CCAR1: variants seen among roughly 807,000 people sequenced by gnomAD.
CCAR1 encodes cell division cycle and apoptosis regulator 1, also known as cell division cycle and apoptosis regulator protein 1.
A neutral mutation model predicts 163.8 loss-of-function variants in CCAR1; 78 were observed. The ratio of observed to expected loss-of-function variants is 0.48; its 90% CI spans 0.40 to 0.57. The LOEUF (loss-of-function observed/expected upper bound fraction) is 0.57, where lower values mean the gene tolerates loss of function less well. CCAR1 is among the 20% of genes least tolerant of loss of function. CCAR1 has a pLI of 0.00. For synonymous variants in CCAR1, 443 were observed against 460.7 expected (o/e 0.96, Z 0.49); for missense variants, 1,019 against 1,365.2 (o/e 0.75, Z 4.00).
At chr10:68,780,009 T>C (rs1007888190) in intron 19 of CCAR1, among the ~76,000 whole-genome samples, 11 of 152,188 alleles carry the variant, frequency 7.2e-5, no homozygotes, top group Admixed American at 3.9e-4. Flanking sequence ...TGTGGTGGGA[T>C]TGATTTATTT....
At position 68,789,915 on chromosome 10, in the gene CCAR1, G is replaced by T; in HGVS notation, c.3393G>T (p.Lys1131Asn). ...ATGAAATCCACACTGTTCTCAAGAA[G>T]GTGAGAAATTTTGTACTTTTAACAT... ...VMDEIHTVLK[K>N]DNVKNEDKDQ... The change falls in exon 24 of 25, where the codon AAG (lysine) becomes AAT (asparagine). Residue 1131 changes from lysine (K) to asparagine (N), a missense_variant and splice_region_variant. Physicochemically the swap from Lys to Asn is moderately conservative, Grantham distance 94 (BLOSUM62 0). This residue lies in a region of CCAR1 where 358 missense variants were observed against 406.4 expected (regional missense o/e 0.88). Coordinates refer to ENST00000265872, the MANE Select transcript of CCAR1 (RefSeq NM_018237.4). 2 of 1,528,996 alleles carry T rather than the reference G, an allele frequency of 1.3e-6. No homozygotes were observed. The highest frequency in any genetic ancestry group is 2.3e-5 in the East Asian group (1 of 43,168). The allele number at this position is 1,528,996 out of a possible 1,614,324, so 94.7% of individuals were successfully genotyped here. A position where few individuals can be genotyped will look rare whatever the true frequency, so the allele number is the denominator to read the frequency against.
chr10:68,786,553 A>G lies in CCAR1; in HGVS notation c.2741A>G (p.Glu914Gly). 6.4e-7 allele frequency: 1 copy of G among 1,557,080 alleles called. No homozygotes were observed. Among genetic ancestry groups the G allele is most frequent in the Non-Finnish European group, 8.6e-7 (1 of 1,156,972 alleles). ...KERPSKDKEK[E>G]KTQMITINRD... ...ACTTCTCCATTTTCTTAGGAAAAAG[A>G]AAAGACTCAAATGATCACAATTAAC... Residue 914 changes from glutamate to glycine, a missense_variant, in exon 21 of 25, where the codon GAA (glutamate) becomes GGA (glycine). Around this residue, in one of 4 missense-constraint regions of CCAR1, gnomAD observed 358 missense variants for 406.4 expected, o/e 0.88. Coordinates refer to ENST00000265872, the MANE Select transcript of CCAR1 (RefSeq NM_018237.4).
At position 68,739,581 on chromosome 10, in the gene CCAR1, G is replaced by A. The variant is rs7917019; in HGVS notation, c.292-1048G>A. On this transcript the variant is annotated intron_variant, in intron 4 of 24. Coordinates refer to ENST00000265872, the MANE Select transcript of CCAR1 (RefSeq NM_018237.4). ...CATTGCATTTTCCCAGAAGACCTCA[G>A]TATTTCACTAGTAATTGCTTTAAAC... Among the ~76,000 whole-genome samples, 418 of 152,278 alleles carry A rather than the reference G, an allele frequency of 2.7e-3. 3 individuals are homozygous for A. The highest frequency in any genetic ancestry group is 9.4e-3 in the African/African-American group (389 of 41,560).
chr10:68,727,528 A>T (rs2055966743), intron 2 of CCAR1, among the ~76,000 whole-genome samples: 1 of 152,124 alleles, frequency 6.6e-6, no homozygotes. Context: ...ATCTTCAAAG[A>T]GTTTTAGAAT....
intron 6 of CCAR1, among the ~76,000 whole-genome samples, chr10:68,744,104 C>T (rs533030057): frequency 1.8e-4 from 28 of 152,212 alleles, no homozygotes; most frequent in African/African-American, 6.7e-4. Context: ...AGGCTGGTCT[C>T]GAACTCCTGA....
chr10:68,743,296 A>G (rs2056207977), intron 6 of CCAR1, among the ~76,000 whole-genome samples: 1 of 150,900 alleles, frequency 6.6e-6, no homozygotes, highest in African/African-American at 2.4e-5. Context: ...TCCCAGGTTC[A>G]AGCAATTCTC....
chr10:68,727,130 C>T (rs1451983455), intron 2 of CCAR1, among the ~76,000 whole-genome samples: 5 of 144,868 alleles, frequency 3.5e-5, no homozygotes, highest in South Asian at 4.5e-4. Flanking sequence ...TGCAGTGGCA[C>T]GATCTGGGCT....
rs1397017616 is a variant in CCAR1, at chr10:68,742,357, T to C, written c.325-19T>C. The C allele has an allele frequency of 7.0e-6, 11 of 1,561,572 alleles. No homozygotes were observed. The highest frequency in any genetic ancestry group is 8.7e-6 in the Non-Finnish European group (10 of 1,150,232). ...ATTTCAAATCATTACCTTAATTTGA[T>C]GTTGATTTTGTTTTATAGCCAGCTG... On this transcript the variant is annotated intron_variant, in intron 5 of 24. Transcript: ENST00000265872.
rs34103994 is a variant in CCAR1 at position 68,735,371 on chromosome 10, CTTTT to C, written c.74-1488_74-1485del. Among the ~76,000 whole-genome samples the C allele has an allele frequency of 2.6e-3, 296 of 115,398 alleles. 2 individuals carry two copies. The highest frequency in any genetic ancestry group is 9.3e-3 in the African/African-American group (276 of 29,614). 75.7% of individuals were successfully genotyped at this position (115,398 alleles called of 152,430 possible). The stretch of plus-strand genomic sequence containing the variant: ...CTCAAAAACACAAACCGTTTTTGTG[CTTTT>C]TTTTTTTTTTTTTTTTCCAATATTG... On this transcript the variant is annotated intron_variant, in intron 2 of 24. Transcript: ENST00000265872.
chr10:68,770,413 T>C (rs985918795), intron 17 of CCAR1, among the ~76,000 whole-genome samples: 3 of 152,146 alleles, frequency 2.0e-5, no homozygotes, highest in African/African-American at 2.4e-5. Flanking sequence ...TTAAAACTTA[T>C]TGAGTAAATG....
At chr10:68,754,556 T>C (rs1325510599) in intron 11 of CCAR1, among the ~76,000 whole-genome samples, 158 bp from the exon 12 acceptor site, 1 of 152,230 alleles carries the variant, frequency 6.6e-6, no homozygotes, top group Non-Finnish European at 1.5e-5. Context: ...CCCAGCACTT[T>C]GGGAGGCTGA....
intron 10 of CCAR1, among the ~76,000 whole-genome samples, chr10:68,751,375 C>T (rs1033875384): frequency 6.6e-6 from 1 of 152,074 alleles, no homozygotes; most frequent in African/African-American, 2.4e-5. Flanking sequence ...TAGCTGCTTA[C>T]TCTTATACTT....
At chr10:68,782,882 T>G (rs1162957) in intron 19 of CCAR1, among the ~76,000 whole-genome samples, 101,999 of 151,960 alleles carry the variant, frequency 0.67, 34,709 homozygotes, top group Non-Finnish European at 0.73. Flanking sequence ...ATATTACTTC[T>G]CACTGACACC....
Position 68,737,037 on chromosome 10 carries a change from G to A in CCAR1, c.235G>A (p.Ala79Thr). 1 of 1,612,206 alleles carries A rather than the reference G, an allele frequency of 6.2e-7. No individual in the cohort carries two copies. The highest frequency in any genetic ancestry group is 8.5e-7 in the Non-Finnish European group (1 of 1,178,692). The change falls in exon 3 of 25, where the codon GCA (alanine) becomes ACA (threonine). Residue 79 changes from alanine (A) to threonine (T), a missense_variant. Around this residue, in one of 4 missense-constraint regions of CCAR1, gnomAD observed 644 missense variants for 904.4 expected, o/e 0.71. Transcript: ENST00000265872. ...GCAACAAGCCGCAGCTGCAGCAGCT[G>A]CATTACAACAGGTAAATCTTTAATA... ...LQQQAAAAAAALQQQYSQPQQ... is the reference protein window; with the variant it reads ...LQQQAAAAAATLQQQYSQPQQ...
chr10:68,734,610 G>C (rs1048645942), intron 2 of CCAR1, among the ~76,000 whole-genome samples: 1 of 151,874 alleles, frequency 6.6e-6, no homozygotes, highest in African/African-American at 2.4e-5. Context: ...AGTGATTCTC[G>C]TGCCTCAGCC....
chr10:68,762,323 TGTCTA>T (rs1043929567), intron 16 of CCAR1, among the ~76,000 whole-genome samples: 3 of 66,980 alleles, frequency 4.5e-5, no homozygotes, highest in African/African-American at 1.5e-4. Flanking sequence ...AGTGAGACTC[TGTCTA>T]AAAAAAAAAA....
intron 19 of CCAR1, among the ~76,000 whole-genome samples, chr10:68,785,899 T>C (rs1399375661): frequency 1.3e-5 from 2 of 152,218 alleles, no homozygotes; most frequent in Non-Finnish European, 2.9e-5. Flanking sequence ...TAGCCTGTTA[T>C]CAAGGTTCAT....
At chr10:68,752,605 C>G (rs889521385) in intron 10 of CCAR1, among the ~76,000 whole-genome samples, 1 of 152,136 alleles carries the variant, frequency 6.6e-6, no homozygotes. Context: ...GCACTGGTGG[C>G]TCATGCCTGT....
At chr10:68,764,427 G>A (rs539727409) in intron 16 of CCAR1, among the ~76,000 whole-genome samples, 33 of 151,834 alleles carry the variant, frequency 2.2e-4, no homozygotes, top group Non-Finnish European at 4.4e-4. Context: ...TGTGGCTGTA[G>A]TCTCAGCTAC....
Sources: allele counts gnomAD v4.1 joint callset (sites outside exome capture counted in the v4.1 genomes callset), GRCh38; gene constraint gnomAD v4.1.1; regional missense constraint gnomAD v4.1.1; transcripts MANE v1.5; gene names NCBI Gene and HGNC (gene_info 2026-07-23, HGNC 2026-07-21).